Variants in PM20D2 observed in about 807,000 individuals in gnomAD.
PM20D2 encodes peptidase M20 domain containing 2.
PM20D2 carries 33 observed loss-of-function variants against 42.9 expected under a neutral mutation model. The observed-to-expected ratio is 0.77, with a 90% confidence interval of 0.58 to 1.03. PM20D2 has a LOEUF of 1.03. Among genes scored for constraint, PM20D2 ranks in the 50% least tolerant of loss-of-function variants. The pLI is 0.00. For missense variants in PM20D2, 548 were observed against 557.0 expected (o/e 0.98, Z 0.16); for synonymous variants, 250 against 228.2 (o/e 1.10, Z -0.86).
the PM20D2 span, among the ~76,000 whole-genome samples, chr6:89,101,439 C>T: frequency 1.3e-5 from 2 of 151,866 alleles, no homozygotes; most frequent in African/African-American, 2.4e-5. Flanking sequence ...ATCTGAAAAC[C>T]GGCCGGGTGC....
intron 1 of PM20D2, 111 bp from the exon 2 acceptor site, chr6:89,149,154 A>C (rs1770738012): frequency 7.5e-7 from 1 of 1,325,228 alleles, no homozygotes; most frequent in Non-Finnish European, 1.0e-6. Flanking sequence ...AACCTGTCTT[A>C]ATAGGTTAAG....
chr6:89,153,141 T>C lies in PM20D2; in HGVS notation c.713T>C (p.Leu238Pro). ...GCTGCTGTGCTGGCCTATAACAATC[T>C]GTCTGTGTTCAGACAGCAAATGAAA... Reference protein sequence around the residue: ...LDAAVLAYNNLSVFRQQMKPT... With the variant: ...LDAAVLAYNNPSVFRQQMKPT... Residue 238 changes from leucine to proline, a missense_variant, in exon 3 of 7, where the codon CTG becomes CCG. Physicochemically the swap from Leu to Pro is moderately conservative, Grantham distance 98 (BLOSUM62 -3). Transcript: ENST00000275072. The C allele has an allele frequency of 4.3e-6, 7 of 1,612,172 alleles. No homozygotes were observed. Among genetic ancestry groups the C allele is most frequent in the Non-Finnish European group, 5.9e-6 (7 of 1,179,222 alleles).
At chr6:89,135,290 T>A in the PM20D2 span, among the ~76,000 whole-genome samples, 84 of 151,510 alleles carry the variant, frequency 5.5e-4, no homozygotes, top group Non-Finnish European at 1.2e-3. Flanking sequence ...GCATAATTGA[T>A]TTAAATTTGT....
chr6:89,098,482 C>A, the PM20D2 span: 1 of 1,423,056 alleles, frequency 7.0e-7, no homozygotes, highest in East Asian at 2.4e-5. Flanking sequence ...CTAATATCAA[C>A]TCGCATTTTC....
At chr6:89,102,933 T>G in the PM20D2 span, among the ~76,000 whole-genome samples, 38 of 152,192 alleles carry the variant, frequency 2.5e-4, no homozygotes, top group African/African-American at 7.5e-4. Context: ...TGGCTAATTT[T>G]TTTTAGTTTT....
chr6:89,110,751 C>G, the PM20D2 span, among the ~76,000 whole-genome samples: 1 of 152,122 alleles, frequency 6.6e-6, no homozygotes, highest in Admixed American at 6.6e-5. Flanking sequence ...GGAGGGTATG[C>G]CTACCTTAGC....
chr6:89,148,570 A>G, intron 1 of PM20D2: 1 of 982,346 alleles, frequency 1.0e-6, no homozygotes, highest in South Asian at 4.7e-5. Context: ...GGTGGAATCG[A>G]ATTAGTAAGT....
chr6:89,108,416 TACAG>T, the PM20D2 span, among the ~76,000 whole-genome samples: 4 of 152,186 alleles, frequency 2.6e-5, no homozygotes, highest in Admixed American at 1.3e-4. Flanking sequence ...TTACAGGTGA[TACAG>T]ACAGAGTAAC....
rs188198268 is a variant in PM20D2, at chr6:89,158,179, G to A, written c.913-146G>A. 1.1e-3 allele frequency: 776 copies of A among 695,540 alleles called. 1 individual carries two copies. The highest frequency in any genetic ancestry group is 7.5e-3 in the African/African-American group (410 of 54,834). 43.1% of individuals were successfully genotyped at this position (695,540 alleles called of 1,614,324 possible). ...AAAATAAATCTTTTTTCTTTTTTAA[G>A]GTAAGAGATTTGAGAGTGTTTATAT... is the stretch of plus-strand genomic sequence containing the variant. On this transcript the variant is annotated intron_variant, in intron 4 of 6. Coordinates refer to ENST00000275072, the MANE Select transcript of PM20D2 (RefSeq NM_001010853.3).
chr6:89,144,118 T>A (rs1770431891), upstream of PM20D2, among the ~76,000 whole-genome samples: 1 of 152,062 alleles, frequency 6.6e-6, no homozygotes. Flanking sequence ...ATACAAGGTG[T>A]CAACAGTAGA....
the PM20D2 span, among the ~76,000 whole-genome samples, chr6:89,126,463 A>G: frequency 1.3e-5 from 2 of 151,844 alleles, no homozygotes; most frequent in Non-Finnish European, 2.9e-5. Context: ...AGGCGGGTGG[A>G]TCACAAGGTC....
chr6:89,117,981 C>A, the PM20D2 span: 71 of 1,351,734 alleles, frequency 5.3e-5, no homozygotes, highest in Middle Eastern at 2.2e-4. Context: ...GCTCCGCCGG[C>A]CCCCGGCGCG....
the PM20D2 span, among the ~76,000 whole-genome samples, chr6:89,094,038 A>G: frequency 6.9e-6 from 1 of 145,686 alleles, no homozygotes; most frequent in African/African-American, 2.6e-5. Flanking sequence ...TTCCTGCCTC[A>G]GCCTCCTGAG....
intron 3 of PM20D2, among the ~76,000 whole-genome samples, 185 bp from the exon 4 acceptor site, chr6:89,154,563 A>G (rs1437642428): frequency 6.6e-6 from 1 of 152,246 alleles, no homozygotes; most frequent in Non-Finnish European, 1.5e-5. Context: ...GCCAAAAAAT[A>G]TCACCCTATG....
At chr6:89,151,710 G>A (rs1770849258) in intron 2 of PM20D2, among the ~76,000 whole-genome samples, 1 of 152,100 alleles carries the variant, frequency 6.6e-6, no homozygotes, top group African/African-American at 2.4e-5. Flanking sequence ...TATTGTTCTG[G>A]CTTTTTAAAA....
the PM20D2 span, chr6:89,117,982 C>G: frequency 7.4e-7 from 1 of 1,357,918 alleles, no homozygotes; most frequent in South Asian, 1.3e-5. Flanking sequence ...CTCCGCCGGC[C>G]CCCGGCGCGA....
chr6:89,099,601 T>C, the PM20D2 span, among the ~76,000 whole-genome samples: 1 of 149,284 alleles, frequency 6.7e-6, no homozygotes, highest in Admixed American at 6.8e-5. Context: ...AATGGCACGA[T>C]CTCAGCTCAC....
At chr6:89,146,664 C>G in intron 1 of PM20D2, 55 bp downstream of exon 1, 1 of 1,310,430 alleles carries the variant, frequency 7.6e-7, no homozygotes, top group Non-Finnish European at 9.8e-7. Context: ...CGGGGGCGAC[C>G]CGGGAAGGGC....
chr6:89,153,182 C>T lies in PM20D2; in HGVS notation c.754C>T (p.His252Tyr). ...GCAAATGAAACCAACCTGGAGAGTT[C>T]ATGGTATGAATGTCAAATACCTTCT... ...RQQMKPTWRV[H>Y]GIIKNGGVKP... The change falls in exon 3 of 7, where the codon CAT becomes TAT. Residue 252 changes from histidine to tyrosine, a missense_variant. By Grantham distance (83) the His-to-Tyr change is moderately conservative. Transcript: ENST00000275072. 1 of 1,592,858 alleles carries T rather than the reference C, an allele frequency of 6.3e-7. No homozygotes were observed. Among genetic ancestry groups the T allele is most frequent in the Non-Finnish European group, 8.5e-7 (1 of 1,170,882 alleles).
Sources: allele counts gnomAD v4.1 joint callset (sites outside exome capture counted in the v4.1 genomes callset), GRCh38; gene constraint gnomAD v4.1.1; transcripts MANE v1.5; gene names NCBI Gene and HGNC (gene_info 2026-07-23, HGNC 2026-07-21).